The following STK3 variants were observed in gnomAD, a reference collection of about 807,000 sequenced individuals.
STK3 encodes serine/threonine-protein kinase 3.
Under a neutral mutation model 58.0 loss-of-function variants are expected in STK3, and 41 were observed. The ratio of observed to expected loss-of-function variants is 0.71; its 90% CI spans 0.55 to 0.92. The LOEUF (loss-of-function observed/expected upper bound fraction) is 0.92, where lower values mean the gene tolerates loss of function less well. STK3 is among the 40% of genes least tolerant of loss of function. The probability of loss-of-function intolerance (pLI) is 0.00; values close to 1 mark genes in which losing one functional copy is unlikely to be tolerated. For missense variants in STK3, 479 were observed against 602.7 expected, an observed-to-expected ratio of 0.79 and a Z score of 2.15; for synonymous variants, 170 against 191.0, an observed-to-expected ratio of 0.89 and a Z score of 0.91.
intron 3 of STK3, among the ~76,000 whole-genome samples, chr8:98,426,597 C>T (rs1818235985): frequency 6.6e-6 from 1 of 152,186 alleles, no homozygotes; most frequent in Admixed American, 6.5e-5. Flanking sequence ...AACAACCCCA[C>T]CCCCGGGCTT....
At chr8:98,668,476 C>T (rs1430430564) in intron 6 of STK3, among the ~76,000 whole-genome samples, 1 of 152,030 alleles carries the variant, frequency 6.6e-6, no homozygotes, top group African/African-American at 2.4e-5. Flanking sequence ...GGATTATTTC[C>T]AATATTTATT....
Position 98,695,912 on chromosome 8 carries a change from T to C in STK3, c.684+10555A>G, listed in dbSNP as rs543312009. On this transcript the variant is annotated intron_variant, in intron 6 of 10. Transcript: ENST00000419617. ...CCAATTCTGTGAAGAAAGTCATTGG[T>C]AGCTTGATGGGGATGGCATTGAATC... is the stretch of plus-strand genomic sequence containing the variant. Among the ~76,000 whole-genome samples, 108 of 152,282 alleles carry C rather than the reference T, an allele frequency of 7.1e-4. 1 individual carries two copies. Among genetic ancestry groups the C allele is most frequent in the African/African-American group, 2.6e-3 (107 of 41,540 alleles).
At chr8:98,847,250 A>C (rs1234977023) in intron 3 of STK3, among the ~76,000 whole-genome samples, 1 of 152,194 alleles carries the variant, frequency 6.6e-6, no homozygotes, top group African/African-American at 2.4e-5. Context: ...GGTGAATCAG[A>C]AGACCACAAC....
intron 6 of STK3, among the ~76,000 whole-genome samples, chr8:98,703,347 C>G (rs1255329126): frequency 6.6e-6 from 1 of 152,052 alleles, no homozygotes; most frequent in Non-Finnish European, 1.5e-5. Context: ...CCATTTCATC[C>G]AATCCACCCA....
intron 1 of STK3, among the ~76,000 whole-genome samples, chr8:98,911,676 C>T (rs181836578): frequency 6.6e-6 from 1 of 152,068 alleles, no homozygotes; most frequent in East Asian, 1.9e-4. Context: ...TTAGCATGAG[C>T]CACCATGTCC....
intron 1 of STK3, among the ~76,000 whole-genome samples, chr8:98,893,115 C>T (rs186285884): frequency 8.2e-4 from 124 of 152,094 alleles, no homozygotes; most frequent in South Asian, 6.9e-3. Flanking sequence ...CGGCTGGGCA[C>T]GGTGGCTCAT....
intron 3 of STK3, among the ~76,000 whole-genome samples, chr8:98,422,420 G>A (rs1325306624): frequency 3.3e-5 from 5 of 151,788 alleles, no homozygotes; most frequent in African/African-American, 1.2e-4. Flanking sequence ...CCCCAGCAAC[G>A]CCCCTGCGCC....
At chr8:98,786,526 A>G (rs539415058) in intron 1 of STK3, among the ~76,000 whole-genome samples, 5 of 152,222 alleles carry the variant, frequency 3.3e-5, no homozygotes, top group African/African-American at 9.6e-5. Context: ...ACAGATGAAC[A>G]AAAGGAAAAA....
At chr8:98,640,657 C>T (rs1178448178) in intron 6 of STK3, among the ~76,000 whole-genome samples, 2 of 151,810 alleles carry the variant, frequency 1.3e-5, no homozygotes, top group Non-Finnish European at 2.9e-5. Flanking sequence ...TCCAAAGCAC[C>T]TACTTGAAAG....
chr8:98,460,986 C>G (rs1819925838), intron 10 of STK3, among the ~76,000 whole-genome samples: 1 of 152,168 alleles, frequency 6.6e-6, no homozygotes, highest in African/African-American at 2.4e-5. Flanking sequence ...GTAGAATGTT[C>G]TGTAAATATT....
At chr8:98,520,663 T>C (rs953180893) in intron 10 of STK3, among the ~76,000 whole-genome samples, 2 of 152,092 alleles carry the variant, frequency 1.3e-5, no homozygotes, top group African/African-American at 4.8e-5. Flanking sequence ...CAAATAGACT[T>C]AGGAATTATA....
At chr8:98,401,432 A>C (rs1413381507) in exon 4 of STK3, 3 of 152,226 alleles carry the variant, frequency 2.0e-5, no homozygotes, top group African/African-American at 4.8e-5. Context: ...GTAGCAATGG[A>C]TAACAGAGAC....
chr8:98,602,033 A>G (rs1816393249), intron 6 of STK3: 1 of 152,234 alleles, frequency 6.6e-6, no homozygotes, highest in African/African-American at 2.4e-5. Context: ...TGTGAGTAAC[A>G]TGGAGAACCA....
intron 3 of STK3, among the ~76,000 whole-genome samples, chr8:98,752,738 C>T (rs1348628310): frequency 6.6e-6 from 1 of 150,678 alleles, no homozygotes; most frequent in East Asian, 1.9e-4. Context: ...CTATAAGGAA[C>T]TTAAACAGAT....
At chr8:98,480,931 A>T (rs765270322) in intron 10 of STK3, among the ~76,000 whole-genome samples, 1 of 152,214 alleles carries the variant, frequency 6.6e-6, no homozygotes, top group Non-Finnish European at 1.5e-5. Context: ...GTAAATGTTA[A>T]GTGTTTATTG....
At chr8:98,370,184 C>T (rs988290382), downstream of STK3, among the ~76,000 whole-genome samples, 10 of 151,414 alleles carry the variant, frequency 6.6e-5, no homozygotes, top group African/African-American at 9.7e-5. Flanking sequence ...CAGTAGCCCC[C>T]GGGAACCCTG....
rs1228062508 is a variant in STK3 at position 98,696,704 on chromosome 8, A to G, written c.684+9763T>C. ...AACCAGTCTTGCATCCCAGGGATGA[A>G]GCCCACTTGATCATGGTGGATAAGC... On this transcript the variant is annotated intron_variant, in intron 6 of 10. Coordinates refer to ENST00000419617, the MANE Select transcript of STK3 (RefSeq NM_006281.4). Among the ~76,000 whole-genome samples, 3 of 152,204 alleles carry G rather than the reference A, an allele frequency of 2.0e-5. No individual in the cohort carries two copies. In the East Asian group the frequency reaches 5.8e-4, roughly 29 times the overall value.
At chr8:98,471,467 G>A (rs1227069536) in intron 10 of STK3, among the ~76,000 whole-genome samples, 1 of 151,084 alleles carries the variant, frequency 6.6e-6, no homozygotes, top group East Asian at 1.9e-4. Flanking sequence ...AAACATCATG[G>A]CTTAACCTAG....
In STK3 at chr8:98,694,551, C is replaced by A. The variant is rs564211885; in HGVS notation, c.684+11916G>T. Among the ~76,000 whole-genome samples the A allele has an allele frequency of 8.5e-5, 13 of 152,198 alleles. No individual in the cohort carries two copies. The South Asian group carries it at 2.1e-3, about 24-fold the overall frequency. On this transcript the variant is annotated intron_variant, in intron 6 of 10. Transcript: ENST00000419617. ...GAGTGTGATGTTCCCCTTCCTTTGT[C>A]CATATGTTCTCATTGTTCAATTCCC...
Sources: allele counts gnomAD v4.1 joint callset (sites outside exome capture counted in the v4.1 genomes callset), GRCh38; gene constraint gnomAD v4.1.1; transcripts MANE v1.5; gene names NCBI Gene and HGNC (gene_info 2026-07-23, HGNC 2026-07-21).